Variants in MB21D2 observed in about 807,000 individuals in gnomAD.
The protein encoded by MB21D2 is nucleotidyltransferase MB21D2.
In MB21D2, 9 loss-of-function variants were observed where a neutral mutation model predicts 33.3. The observed-to-expected ratio is 0.27, with a 90% CI of 0.16 to 0.47. The LOEUF (loss-of-function observed/expected upper bound fraction) is 0.47. Among genes scored for constraint, MB21D2 ranks in the 20% least tolerant of loss-of-function variants. The pLI, the probability that MB21D2 is intolerant of heterozygous loss-of-function variation, is 0.99. For missense variants in MB21D2, 540 were observed against 624.6 expected (o/e 0.86, Z 1.44); for synonymous variants, 241 against 236.3 (o/e 1.02, Z -0.18).
chr3:192,822,089 G>A (rs1377998458), intron 1 of MB21D2, among the ~76,000 whole-genome samples: 1 of 150,660 alleles, frequency 6.6e-6, no homozygotes, highest in African/African-American at 2.4e-5. Flanking sequence ...TATACCTATC[G>A]CATTTCTAAA....
At chr3:192,853,640 G>A (rs1712853503) in intron 1 of MB21D2, among the ~76,000 whole-genome samples, 1 of 151,424 alleles carries the variant, frequency 6.6e-6, no homozygotes, top group African/African-American at 2.4e-5. Context: ...TGGTGTTTTT[G>A]GTGTTTTGTT....
At chr3:192,864,173 C>T (rs1479982660) in intron 1 of MB21D2, among the ~76,000 whole-genome samples, 2 of 152,280 alleles carry the variant, frequency 1.3e-5, no homozygotes, top group Non-Finnish European at 2.9e-5. Context: ...AGTAGGTGTG[C>T]TCCAGGTGAG....
chr3:192,874,667 T>A (rs1406826847), intron 1 of MB21D2, among the ~76,000 whole-genome samples: 1 of 152,314 alleles, frequency 6.6e-6, no homozygotes, highest in Non-Finnish European at 1.5e-5. Flanking sequence ...CTCCTTGCCC[T>A]GGAAAGCTGA....
At chr3:192,830,448 G>T (rs1712291200) in intron 1 of MB21D2, among the ~76,000 whole-genome samples, 3 of 152,024 alleles carry the variant, frequency 2.0e-5, no homozygotes, top group Admixed American at 2.0e-4. Flanking sequence ...TCTGAAACCT[G>T]ACCTTCACTA....
intron 1 of MB21D2, among the ~76,000 whole-genome samples, chr3:192,835,592 C>T (rs959100891): frequency 6.6e-5 from 10 of 151,646 alleles, no homozygotes; most frequent in South Asian, 4.2e-4. Context: ...ACAATTTGAT[C>T]TAATTTCTTA....
At chr3:192,865,840 G>A (rs1335187149) in intron 1 of MB21D2, among the ~76,000 whole-genome samples, 1 of 152,144 alleles carries the variant, frequency 6.6e-6, no homozygotes, top group Non-Finnish European at 1.5e-5. Flanking sequence ...GAGCCCAGGA[G>A]TTTGAGAACA....
chr3:192,873,145 CT>C (rs1713348656), intron 1 of MB21D2, among the ~76,000 whole-genome samples: 2 of 152,178 alleles, frequency 1.3e-5, no homozygotes, highest in South Asian at 2.1e-4. Flanking sequence ...TTACCTACCC[CT>C]GGCTCTATCT....
At chr3:192,904,610 T>C (rs1034887836) in intron 1 of MB21D2, among the ~76,000 whole-genome samples, 5 of 152,194 alleles carry the variant, frequency 3.3e-5, no homozygotes, top group Non-Finnish European at 5.9e-5. Flanking sequence ...TCAGGCTCCA[T>C]TCCAGAGTTA....
chr3:192,826,820 G>T (rs1712182504), intron 1 of MB21D2, among the ~76,000 whole-genome samples: 1 of 152,104 alleles, frequency 6.6e-6, no homozygotes, highest in South Asian at 2.1e-4. Context: ...GATTGGGGAG[G>T]ACAGCTTCCT....
intron 1 of MB21D2, among the ~76,000 whole-genome samples, chr3:192,810,337 G>A (rs938739614): frequency 2.6e-5 from 4 of 152,122 alleles, no homozygotes; most frequent in Non-Finnish European, 4.4e-5. Flanking sequence ...CCTTGAATCG[G>A]TGATCTACAT....
In MB21D2 at chr3:192,799,353, T is replaced by C. The variant is rs138618485; in HGVS notation, c.509A>G (p.His170Arg). 249 of 1,614,260 alleles carry C rather than the reference T, an allele frequency of 1.5e-4. 1 individual carries two copies. In the African/African-American group the frequency reaches 2.9e-3, roughly 19 times the overall value. The change falls in exon 2 of 2, where the codon CAC becomes CGC. Residue 170 changes from histidine (H) to arginine (R), a missense_variant. Physicochemically the swap from His to Arg is conservative, Grantham distance 29. Transcript: ENST00000392452. This position sits in a 1 kb window ranked among gnomAD's most constrained non-coding sequence, Gnocchi z 4.1. ...GAAGTAGTTGGTGGCACCATTGATG[T>C]GATCTACAATGGTGCAGCAGTCTTT... ...KWKDCCTIVD[H>R]INGATNYFFS...
chr3:192,850,640 G>C (rs935258754), intron 1 of MB21D2, among the ~76,000 whole-genome samples: 3 of 152,114 alleles, frequency 2.0e-5, no homozygotes, highest in African/African-American at 7.2e-5. Context: ...GCTCAGCCCT[G>C]CACGCTGCCG....
chr3:192,811,991 T>G lies in MB21D2; in HGVS notation c.212-12341A>C, dbSNP rs1711797483. On this transcript the variant is annotated intron_variant, in intron 1 of 1. Transcript: ENST00000392452. Reference sequence around the variant, plus strand: ...CTTCTAAATGATATATTTAGTTTCTTCATTCAATCACCTTTGTCCGTACTT... The same window carrying G: ...CTTCTAAATGATATATTTAGTTTCTGCATTCAATCACCTTTGTCCGTACTT... 3.3e-5 allele frequency among the ~76,000 whole-genome samples: 5 copies of G among 152,284 alleles called. No homozygotes were observed. The South Asian group carries it at 1.0e-3, about 32-fold the overall frequency.
At chr3:192,916,525 C>A (rs1486181512) in intron 1 of MB21D2, among the ~76,000 whole-genome samples, 1 of 152,206 alleles carries the variant, frequency 6.6e-6, no homozygotes, top group African/African-American at 2.4e-5. Context: ...CAGAGACGAG[C>A]GTTAGAGCAG....
rs1307716822 is a variant in MB21D2 at position 192,798,385 on chromosome 3, C to G, written c.*1G>C. Reference sequence around the variant, plus strand: ...CAGGAAAAAAAAAAGTCAGCTAACACTCAGAAAAATTTGTCATCAATTCTG... The same window carrying G: ...CAGGAAAAAAAAAAGTCAGCTAACAGTCAGAAAAATTTGTCATCAATTCTG... On this transcript the variant is annotated 3_prime_UTR_variant, in exon 2 of 2. Coordinates refer to ENST00000392452, the MANE Select transcript of MB21D2 (RefSeq NM_178496.4). The surrounding 1 kb of genome is among the most constrained non-coding windows in gnomAD (Gnocchi z 4.8). 4 of 1,612,590 alleles carry G rather than the reference C, an allele frequency of 2.5e-6. No homozygotes were observed. The African/African-American group carries it at 5.3e-5, about 22-fold the overall frequency.
chr3:192,803,184 G>C (rs902148010), intron 1 of MB21D2, among the ~76,000 whole-genome samples: 1 of 152,134 alleles, frequency 6.6e-6, no homozygotes, highest in African/African-American at 2.4e-5. Context: ...GTTTTAACCT[G>C]TTTTCACTTG....
At chr3:192,864,933 A>G (rs1308962235) in intron 1 of MB21D2, among the ~76,000 whole-genome samples, 2 of 152,072 alleles carry the variant, frequency 1.3e-5, no homozygotes, top group Non-Finnish European at 2.9e-5. Context: ...TTATATACCC[A>G]CCTTGCAGTT....
chr3:192,911,433 G>T (rs960964742), intron 1 of MB21D2, among the ~76,000 whole-genome samples: 1 of 152,108 alleles, frequency 6.6e-6, no homozygotes, highest in African/African-American at 2.4e-5. Flanking sequence ...CAGCAGCTTG[G>T]TTCTAGTCTC....
chr3:192,815,410 A>G (rs1711899295), intron 1 of MB21D2, among the ~76,000 whole-genome samples: 2 of 152,192 alleles, frequency 1.3e-5, no homozygotes, highest in Non-Finnish European at 2.9e-5. Flanking sequence ...GCAGGTTCCC[A>G]TGTCTCACCC....
Sources: allele counts gnomAD v4.1 joint callset (sites outside exome capture counted in the v4.1 genomes callset), GRCh38; gene constraint gnomAD v4.1.1; non-coding constraint Gnocchi (gnomAD v3.1); transcripts MANE v1.5; gene names NCBI Gene and HGNC (gene_info 2026-07-23, HGNC 2026-07-21).